Variants in C3orf38 observed in about 807,000 individuals in gnomAD.
C3orf38 encodes the protein chromosome 3 open reading frame 38.
C3orf38 carries 18 observed loss-of-function variants against 28.3 expected under a neutral mutation model. The ratio of observed to expected loss-of-function variants is 0.64; its 90% CI spans 0.44 to 0.94. The LOEUF is 0.94. Among genes scored for constraint, C3orf38 ranks in the 40% least tolerant of loss-of-function variants. The pLI, the probability that C3orf38 is intolerant of heterozygous loss-of-function variation, is 0.00. For synonymous variants in C3orf38, 145 were observed against 138.1 expected, an observed-to-expected ratio of 1.05 and a Z score of -0.35; for missense variants, 364 against 396.4, an observed-to-expected ratio of 0.92 and a Z score of 0.69.
intron 1 of C3orf38, among the ~76,000 whole-genome samples, 165 bp downstream of exon 1, chr3:88,150,350 G>A (rs542334598): frequency 1.7e-4 from 26 of 152,242 alleles, no homozygotes; most frequent in Non-Finnish European, 2.6e-4. Context: ...GGTGGTGGCG[G>A]TGATAATGGC....
At chr3:88,150,226 C>G (rs1338034931) in intron 1 of C3orf38, 41 bp downstream of exon 1, 8 of 1,608,814 alleles carry the variant, frequency 5.0e-6, no homozygotes, top group South Asian at 1.1e-5. Flanking sequence ...CCGCCCCTTC[C>G]CCGGCCTCAC....
At chr3:88,155,725 G>A (rs1173966932) in intron 2 of C3orf38, among the ~76,000 whole-genome samples, 2 of 152,198 alleles carry the variant, frequency 1.3e-5, no homozygotes, top group African/African-American at 2.4e-5. Context: ...CCAAAGTGCT[G>A]GGATTACAGG....
rs116765324 is a variant in C3orf38 at position 88,156,802 on chromosome 3, T to C, written c.*167T>C. On this transcript the variant is annotated 3_prime_UTR_variant, in exon 3 of 3. Coordinates refer to ENST00000318887, the MANE Select transcript of C3orf38 (RefSeq NM_173824.4). The stretch of plus-strand genomic sequence containing the variant: ...AGATGTGAAAATTGACATATTTTAG[T>C]TGAAATACCTTTCTGGACTACAGAC... 393 of 705,144 alleles carry C rather than the reference T, an allele frequency of 5.6e-4. No homozygotes were observed. The highest frequency in any genetic ancestry group is 8.2e-4 in the Non-Finnish European group (361 of 442,790). 43.7% of individuals were successfully genotyped at this position (705,144 alleles called of 1,614,324 possible).
At chr3:88,155,501 C>T (rs1313181476) in intron 2 of C3orf38, among the ~76,000 whole-genome samples, 19 of 148,660 alleles carry the variant, frequency 1.3e-4, no homozygotes, top group Non-Finnish European at 1.9e-4. Flanking sequence ...CTCTGTTGCG[C>T]GGGCTGGAGT....
Position 88,156,474 on chromosome 3 carries a change from G to A in C3orf38, c.829G>A (p.Gly277Arg). 6.2e-7 allele frequency: 1 copy of A among 1,614,118 alleles called. No homozygotes were observed. Among genetic ancestry groups the A allele is most frequent in the Non-Finnish European group, 8.5e-7 (1 of 1,180,012 alleles). The change falls in exon 3 of 3, where the codon GGA becomes AGA. Residue 277 changes from glycine (G) to arginine (R), a missense_variant. By Grantham distance (125) the Gly-to-Arg change is moderately radical. Coordinates refer to ENST00000318887, the MANE Select transcript of C3orf38 (RefSeq NM_173824.4). ...CAAATTTATCAACCTGAAAATTATG[G>A]GAGAGAGTTCCCTTGCTCCTGGAAC... ...KIKFINLKIM[G>R]ESSLAPGTLP...
At chr3:88,154,777 A>G (rs551935170) in intron 2 of C3orf38, among the ~76,000 whole-genome samples, 1 of 152,150 alleles carries the variant, frequency 6.6e-6, no homozygotes, top group African/African-American at 2.4e-5. Flanking sequence ...TAAACCTAAG[A>G]TCTCATACAT....
At chr3:88,152,044 G>A (rs1167218764) in intron 1 of C3orf38, among the ~76,000 whole-genome samples, 3 of 152,326 alleles carry the variant, frequency 2.0e-5, no homozygotes, top group Non-Finnish European at 4.4e-5. Context: ...AAGCTAGGGG[G>A]TATGCATATG....
chr3:88,150,196 A>G lies in C3orf38; in HGVS notation c.133+11A>G, dbSNP rs375883867. ...CTCAGGACCGCCAAGGTAAGGGCGGACCCTTCACCTAGAAGGCTGCCGCCC... is the reference window on the plus strand; with the variant it reads ...CTCAGGACCGCCAAGGTAAGGGCGGGCCCTTCACCTAGAAGGCTGCCGCCC... On this transcript the variant is annotated intron_variant, in intron 1 of 2. Coordinates refer to ENST00000318887, the MANE Select transcript of C3orf38 (RefSeq NM_173824.4). 1.2e-5 allele frequency: 20 copies of G among 1,613,240 alleles called. No homozygotes were observed. Among genetic ancestry groups the G allele is most frequent in the Non-Finnish European group, 1.7e-5 (20 of 1,179,908 alleles).
chr3:88,155,647 C>T (rs1241548766), intron 2 of C3orf38, among the ~76,000 whole-genome samples: 5 of 151,694 alleles, frequency 3.3e-5, no homozygotes, highest in African/African-American at 1.2e-4. Context: ...TTAGTAGAGA[C>T]GGGGTTTCAC....
At position 88,156,658 on chromosome 3, in the gene C3orf38, T is replaced by C. The variant is rs371947917; in HGVS notation, c.*23T>C. 1.4e-5 allele frequency: 23 copies of C among 1,594,918 alleles called. No individual in the cohort carries two copies. The highest frequency in any genetic ancestry group is 1.8e-5 in the Non-Finnish European group (21 of 1,171,968). ...TGAGGTAGTGGAAATGAGACATTGC[T>C]GAACAAAAGAGAACTGGGTTTACCT... On this transcript the variant is annotated 3_prime_UTR_variant, in exon 3 of 3. Transcript: ENST00000318887.
At chr3:88,150,334 C>A in intron 1 of C3orf38, 149 bp downstream of exon 1, 1 of 880,646 alleles carries the variant, frequency 1.1e-6, no homozygotes, top group Non-Finnish European at 1.7e-6. Flanking sequence ...CGGGTCAAGG[C>A]GGGGAGGTGG....
chr3:88,153,402 A>G lies in C3orf38; in HGVS notation c.306A>G (p.Gln102=), dbSNP rs1262222882. Residue 102 remains glutamine, a synonymous_variant, in exon 2 of 3, where the codon CAA becomes CAG. Coordinates refer to ENST00000318887, the MANE Select transcript of C3orf38 (RefSeq NM_173824.4). ...IQHAKDYWQK[Q]PQLKLKETPE... is the part of the protein sequence containing the mutation. ...ATGCAAAAGATTACTGGCAAAAGCAACCACAACTGAAATTGAAGGAAACGC... is the reference window on the plus strand; with the variant it reads ...ATGCAAAAGATTACTGGCAAAAGCAGCCACAACTGAAATTGAAGGAAACGC... 1 of 1,614,040 alleles carries G rather than the reference A, an allele frequency of 6.2e-7. No individual in the cohort carries two copies.
chr3:88,149,991 G>A lies in C3orf38; in HGVS notation c.-62G>A. On this transcript the variant is annotated 5_prime_UTR_variant, in exon 1 of 3. Coordinates refer to ENST00000318887, the MANE Select transcript of C3orf38 (RefSeq NM_173824.4). Reference sequence around the variant, plus strand: ...GCACTTCCGGTGTCTGTTGCCAGGCGCGGGCCCAGTGGGCCGTAGGGGCGA... The same window carrying A: ...GCACTTCCGGTGTCTGTTGCCAGGCACGGGCCCAGTGGGCCGTAGGGGCGA... The A allele has an allele frequency of 7.5e-6, 12 of 1,604,760 alleles. No individual in the cohort carries two copies. Among genetic ancestry groups the A allele is most frequent in the Admixed American group, 1.7e-5 (1 of 59,720 alleles).
chr3:88,152,380 A>G (rs1473277403), intron 1 of C3orf38, among the ~76,000 whole-genome samples: 2 of 152,148 alleles, frequency 1.3e-5, no homozygotes, highest in Non-Finnish European at 2.9e-5. Flanking sequence ...ACTGCACTCC[A>G]GCCTGGGTGA....
intron 1 of C3orf38, among the ~76,000 whole-genome samples, chr3:88,152,993 C>G (rs1707435530): frequency 6.6e-6 from 1 of 152,106 alleles, no homozygotes; most frequent in South Asian, 2.1e-4. Context: ...GCTAAACTTT[C>G]ACTATCACTT....
chr3:88,154,522 T>G (rs1208287846), intron 2 of C3orf38, among the ~76,000 whole-genome samples: 2 of 152,228 alleles, frequency 1.3e-5, no homozygotes, highest in African/African-American at 4.8e-5. Flanking sequence ...CTATGTAATT[T>G]GCAGATTTTT....
intron 2 of C3orf38, among the ~76,000 whole-genome samples, chr3:88,155,723 C>G (rs897910622): frequency 2.0e-4 from 30 of 152,164 alleles, no homozygotes; most frequent in Non-Finnish European, 7.3e-5. Flanking sequence ...TCCCAAAGTG[C>G]TGGGATTACA....
intron 2 of C3orf38, among the ~76,000 whole-genome samples, chr3:88,154,090 C>T (rs887543161): frequency 1.3e-5 from 2 of 151,888 alleles, no homozygotes; most frequent in East Asian, 3.9e-4. Flanking sequence ...ACTTTAGCTC[C>T]GTGTAATTTT....
At chr3:88,155,684 C>T (rs1213771243) in intron 2 of C3orf38, among the ~76,000 whole-genome samples, 1 of 151,930 alleles carries the variant, frequency 6.6e-6, no homozygotes, top group African/African-American at 2.4e-5. Flanking sequence ...GTCTCAAACT[C>T]CTGACCTCAC....
Sources: gnomAD v4.1 joint callset for allele counts (sites outside exome capture counted in the v4.1 genomes callset) on GRCh38, gnomAD v4.1.1 for gene constraint, MANE v1.5 for transcripts, NCBI Gene and HGNC (gene_info 2026-07-23, HGNC 2026-07-21) for gene names.